The following SUGCT variants were observed in gnomAD, a reference collection of about 807,000 sequenced individuals.
SUGCT encodes succinyl-CoA:glutarate-CoA transferase.
In SUGCT, 41 loss-of-function variants were observed where a neutral mutation model predicts 55.0. The ratio of observed to expected loss-of-function variants is 0.74; its 90% confidence interval spans 0.58 to 0.97. The LOEUF is 0.97. SUGCT is among the 50% of genes least tolerant of loss of function. The pLI, the probability that SUGCT is intolerant of heterozygous loss-of-function variation, is 0.00. For missense variants in SUGCT, 568 were observed against 547.8 expected (o/e 1.04, Z -0.37); for synonymous variants, 187 against 200.4 (o/e 0.93, Z 0.56).
intron 12 of SUGCT, among the ~76,000 whole-genome samples, chr7:40,691,247 A>T (rs1469584466): frequency 6.6e-6 from 1 of 152,092 alleles, no homozygotes; most frequent in East Asian, 1.9e-4. Context: ...TCTCTTACGA[A>T]CCTACAGTGT....
downstream of SUGCT, among the ~76,000 whole-genome samples, chr7:40,861,066 C>T (rs1794475232): frequency 6.6e-6 from 1 of 152,176 alleles, no homozygotes; most frequent in Admixed American, 6.5e-5. Flanking sequence ...GCTCCATTCT[C>T]CCCTGTGGGG....
chr7:40,743,080 G>A (rs1028119508), intron 12 of SUGCT, among the ~76,000 whole-genome samples: 5 of 151,978 alleles, frequency 3.3e-5, no homozygotes, highest in East Asian at 1.9e-4. Flanking sequence ...TTCCTTTATC[G>A]ATAATGACCA....
the SUGCT span, among the ~76,000 whole-genome samples, chr7:41,026,655 G>C: frequency 6.6e-6 from 1 of 152,168 alleles, no homozygotes; most frequent in Non-Finnish European, 1.5e-5. Context: ...GCCCATCTAC[G>C]TGAGAAGTCT....
rs117687798 is a variant in SUGCT at position 40,613,837 on chromosome 7, G to A, written c.1089+117451G>A. On this transcript the variant is annotated intron_variant, in intron 12 of 13. Transcript: ENST00000335693. Reference sequence around the variant, plus strand: ...GTTGGTCAGGCTGGTCTCCATGTTGGTCGGTTTGATCCGCCCTCCTCGGCC... The same window carrying A: ...GTTGGTCAGGCTGGTCTCCATGTTGATCGGTTTGATCCGCCCTCCTCGGCC... Among the ~76,000 whole-genome samples, 456 of 152,206 alleles carry A rather than the reference G, an allele frequency of 3.0e-3. 6 individuals carry two copies. The highest frequency in any genetic ancestry group is 0.029 in the East Asian group (152 of 5,164).
intron 12 of SUGCT, among the ~76,000 whole-genome samples, chr7:40,655,559 C>T (rs1009910304): frequency 3.9e-5 from 6 of 152,150 alleles, no homozygotes; most frequent in Admixed American, 6.5e-5. Context: ...GTTATGGAGG[C>T]GTCAGTTACA....
chr7:40,378,396 T>C (rs1286740127), intron 9 of SUGCT, among the ~76,000 whole-genome samples: 1 of 152,242 alleles, frequency 6.6e-6, no homozygotes, highest in Non-Finnish European at 1.5e-5. Context: ...AAATCTGCTA[T>C]TGAGTCCTGG....
chr7:40,846,380 A>G (rs1793557504), intron 13 of SUGCT, among the ~76,000 whole-genome samples: 1 of 151,990 alleles, frequency 6.6e-6, no homozygotes, highest in African/African-American at 2.4e-5. Context: ...GTTGGAAAAA[A>G]AAAAAAAACA....
intron 9 of SUGCT, among the ~76,000 whole-genome samples, chr7:40,363,589 G>C (rs1223992631): frequency 2.0e-5 from 3 of 152,162 alleles, no homozygotes; most frequent in Admixed American, 1.3e-4. Context: ...TCATTCAGGA[G>C]CAGGTTGTTC....
In SUGCT at chr7:40,415,060, A is replaced by ATCT. The variant is rs1562760019; in HGVS notation, c.817-34227_817-34226insTCT. Among the ~76,000 whole-genome samples the ATCT allele has an allele frequency of 3.3e-3, 273 of 83,114 alleles. 5 individuals carry two copies. Among genetic ancestry groups the ATCT allele is most frequent in the Middle Eastern group, 6.4e-3 (1 of 156 alleles). The allele number at this position is 83,114 out of a possible 152,430, so 54.5% of individuals were successfully genotyped here. Reference sequence around the variant, plus strand: ...ACTCTGTCACAAAAAAAAAAAAAAAAAATCTATCTATCTATCTATCTATCT... The same window carrying ATCT: ...ACTCTGTCACAAAAAAAAAAAAAAAATCTAATCTATCTATCTATCTATCTATCT... On this transcript the variant is annotated intron_variant, in intron 9 of 13. Transcript: ENST00000335693.
chr7:41,001,993 AAC>A, the SUGCT span, among the ~76,000 whole-genome samples: 8 of 152,174 alleles, frequency 5.3e-5, no homozygotes, highest in Non-Finnish European at 1.2e-4. Flanking sequence ...GCAAAATTGG[AAC>A]AGTCACCTTC....
chr7:40,838,454 T>A (rs949896179), intron 13 of SUGCT, among the ~76,000 whole-genome samples: 3 of 152,246 alleles, frequency 2.0e-5, no homozygotes, highest in Non-Finnish European at 4.4e-5. Flanking sequence ...CATTTTGTAA[T>A]GTTCAGCATA....
At position 40,710,270 on chromosome 7, in the gene SUGCT, A is replaced by G. The variant is rs1253296091; in HGVS notation, c.1090-39164A>G. Among the ~76,000 whole-genome samples, 6 of 152,294 alleles carry G rather than the reference A, an allele frequency of 3.9e-5. No homozygotes were observed. The East Asian group carries it at 1.2e-3, about 29-fold the overall frequency. On this transcript the variant is annotated intron_variant, in intron 12 of 13. Transcript: ENST00000335693. Reference sequence around the variant, plus strand: ...TAGAAAATGCTGTAGAACGCAACACAGAGGAGATACATTTCTACAGACACA... The same window carrying G: ...TAGAAAATGCTGTAGAACGCAACACGGAGGAGATACATTTCTACAGACACA...
At chr7:40,552,761 C>G (rs1238078186) in intron 12 of SUGCT, among the ~76,000 whole-genome samples, 3 of 150,212 alleles carry the variant, frequency 2.0e-5, no homozygotes, top group Non-Finnish European at 4.4e-5. Context: ...TCCAGCCCCC[C>G]ATCCCCACCC....
chr7:40,916,074 C>T, the SUGCT span, among the ~76,000 whole-genome samples: 3 of 35,240 alleles, frequency 8.5e-5, no homozygotes, highest in African/African-American at 2.9e-4. Context: ...TCTACATACA[C>T]ACACACACAC....
At chr7:40,406,728 G>C (rs1427045883) in intron 9 of SUGCT, among the ~76,000 whole-genome samples, 2 of 152,170 alleles carry the variant, frequency 1.3e-5, no homozygotes, top group Non-Finnish European at 2.9e-5. Flanking sequence ...TTAATCATAA[G>C]AATGTATCTC....
intron 9 of SUGCT, among the ~76,000 whole-genome samples, chr7:40,407,216 T>C (rs1210825221): frequency 6.6e-6 from 1 of 152,094 alleles, no homozygotes; most frequent in Admixed American, 6.5e-5. Flanking sequence ...TTCACGTATC[T>C]TTGTTGATTC....
chr7:40,892,348 CCT>C, the SUGCT span, among the ~76,000 whole-genome samples: 1 of 151,880 alleles, frequency 6.6e-6, no homozygotes, highest in Non-Finnish European at 1.5e-5. Flanking sequence ...AAAACAAAGA[CCT>C]ATAGTACATA....
At chr7:40,290,793 T>C (rs1479162643) in intron 8 of SUGCT, among the ~76,000 whole-genome samples, 1 of 151,900 alleles carries the variant, frequency 6.6e-6, no homozygotes, top group Non-Finnish European at 1.5e-5. Context: ...TACAATGAAC[T>C]CAAACAAATC....
At chr7:40,909,260 A>G in the SUGCT span, among the ~76,000 whole-genome samples, 1 of 152,170 alleles carries the variant, frequency 6.6e-6, no homozygotes, top group Non-Finnish European at 1.5e-5. Flanking sequence ...AAAACAGTAG[A>G]TCACTTGGTG....
Sources: allele counts gnomAD v4.1 joint callset (sites outside exome capture counted in the v4.1 genomes callset), GRCh38; gene constraint gnomAD v4.1.1; transcripts MANE v1.5; gene names NCBI Gene and HGNC (gene_info 2026-07-23, HGNC 2026-07-21).